GNAQ: variants seen among roughly 807,000 people sequenced by gnomAD.
The protein encoded by GNAQ is G protein subunit alpha q.
Under a neutral mutation model 43.9 loss-of-function variants are expected in GNAQ, and 8 were observed. The observed-to-expected ratio is 0.18, with a 90% confidence interval of 0.11 to 0.33. The LOEUF is 0.33. Among genes scored for constraint, GNAQ ranks in the 10% least tolerant of loss-of-function variants. The pLI is 1.00. For synonymous variants in GNAQ, 155 were observed against 170.7 expected, an observed-to-expected ratio of 0.91 and a Z score of 0.71; for missense variants, 158 against 450.8, an observed-to-expected ratio of 0.35 and a Z score of 5.88.
At position 77,764,000 on chromosome 9, in the gene GNAQ, A is replaced by G. The variant is rs1051705133; in HGVS notation, c.735+30463T>C. On this transcript the variant is annotated intron_variant, in intron 5 of 6. Transcript: ENST00000286548. ...TTTTGGGGAATGTTTAGTACTAACA[A>G]TAGTGAAATAAGAGTTGCAAAAAGT... Among the ~76,000 whole-genome samples, 91 of 152,212 alleles carry G rather than the reference A, an allele frequency of 6.0e-4. 4 individuals carry two copies. The highest frequency in any genetic ancestry group is 1.5e-5 in the Non-Finnish European group (1 of 68,040).
intron 1 of GNAQ, among the ~76,000 whole-genome samples, chr9:77,997,987 C>T (rs968765944): frequency 6.6e-6 from 1 of 152,188 alleles, no homozygotes; most frequent in Non-Finnish European, 1.5e-5. Flanking sequence ...AAGGCACTGA[C>T]AACAGCCAGC....
At chr9:77,897,105 C>T (rs1000019567) in intron 2 of GNAQ, among the ~76,000 whole-genome samples, 7 of 152,152 alleles carry the variant, frequency 4.6e-5, no homozygotes, top group African/African-American at 1.7e-4. Context: ...AAGGAGGCAC[C>T]CGTGCCAAAC....
At chr9:77,748,479 T>C (rs1242986822) in intron 5 of GNAQ, among the ~76,000 whole-genome samples, 3 of 152,246 alleles carry the variant, frequency 2.0e-5, no homozygotes, top group African/African-American at 4.8e-5. Context: ...TAGAGCTTGA[T>C]GCCTTCTGCA....
At chr9:77,738,193 C>G (rs1418035906) in intron 5 of GNAQ, among the ~76,000 whole-genome samples, 1 of 152,148 alleles carries the variant, frequency 6.6e-6, no homozygotes, top group African/African-American at 2.4e-5. Flanking sequence ...AATGTATTTG[C>G]ATGTATACAC....
chr9:77,924,046 CCA>C (rs1250293285), intron 1 of GNAQ, among the ~76,000 whole-genome samples: 3 of 152,142 alleles, frequency 2.0e-5, no homozygotes, highest in Non-Finnish European at 2.9e-5. Context: ...GTATTTCTAG[CCA>C]CAGAGTCCTG....
intron 1 of GNAQ, among the ~76,000 whole-genome samples, chr9:78,005,104 T>A (rs991172387): frequency 6.6e-6 from 1 of 152,074 alleles, no homozygotes; most frequent in African/African-American, 2.4e-5. Context: ...CAGGCTGGAG[T>A]GCAGTGGGGC....
chr9:77,840,090 CAT>C (rs1310251000), intron 2 of GNAQ, among the ~76,000 whole-genome samples: 2 of 152,148 alleles, frequency 1.3e-5, no homozygotes, highest in African/African-American at 2.4e-5. Context: ...CTCCAAAGTA[CAT>C]GTTTCATTTT....
intron 1 of GNAQ, among the ~76,000 whole-genome samples, chr9:78,007,641 G>A (rs192162231): frequency 6.6e-6 from 1 of 152,122 alleles, no homozygotes; most frequent in East Asian, 1.9e-4. Context: ...TTTCTCAAAG[G>A]GAATCTTGAT....
intron 1 of GNAQ, among the ~76,000 whole-genome samples, chr9:78,027,943 G>C (rs1181520619): frequency 6.6e-6 from 1 of 152,012 alleles, no homozygotes; most frequent in Non-Finnish European, 1.5e-5. Context: ...AAAAATTTCA[G>C]GATAACTATA....
rs1359991 is a variant in GNAQ at position 77,829,626 on chromosome 9, C to T, written c.322-13856G>A. ...GTGGCCCACCCGCAGCCTTGAGAGC[C>T]CAAGAGAATGAATCAGAGAACAGAG... On this transcript the variant is annotated intron_variant, in intron 2 of 6. Transcript: ENST00000286548. 5.0e-3 allele frequency among the ~76,000 whole-genome samples: 765 copies of T among 152,220 alleles called. 9 individuals are homozygous for T. The highest frequency in any genetic ancestry group is 0.018 in the African/African-American group (729 of 41,532).
At chr9:77,794,668 A>C in intron 4 of GNAQ, 76 bp from the exon 5 acceptor site, 1 of 773,458 alleles carries the variant, frequency 1.3e-6, no homozygotes, top group Non-Finnish European at 2.0e-6. Flanking sequence ...AGCACTACTT[A>C]CAAACTTAGG....
intron 5 of GNAQ, among the ~76,000 whole-genome samples, chr9:77,748,537 T>C (rs565844267): frequency 3.3e-5 from 5 of 152,204 alleles, no homozygotes; most frequent in Non-Finnish European, 5.9e-5. Context: ...TTAAGACAAC[T>C]GTGGAGGATG....
chr9:77,877,240 T>C (rs1179197008), intron 2 of GNAQ, among the ~76,000 whole-genome samples: 2 of 152,222 alleles, frequency 1.3e-5, no homozygotes, highest in Admixed American at 6.5e-5. Context: ...TCTGTACTCA[T>C]ATAATTTGTT....
At chr9:77,923,098 G>A (rs543989471) in intron 1 of GNAQ, among the ~76,000 whole-genome samples, 78 of 152,010 alleles carry the variant, frequency 5.1e-4, no homozygotes, top group African/African-American at 1.8e-3. Context: ...CTCAAGGGGT[G>A]CACCAGCCTT....
intron 2 of GNAQ, among the ~76,000 whole-genome samples, chr9:77,855,381 C>G (rs556260173): frequency 6.6e-6 from 1 of 152,098 alleles, no homozygotes; most frequent in East Asian, 1.9e-4. Context: ...TAAAAGCAAA[C>G]GAAAGAACCT....
At chr9:77,741,625 G>A (rs565295408) in intron 5 of GNAQ, among the ~76,000 whole-genome samples, 334 of 152,258 alleles carry the variant, frequency 2.2e-3, no homozygotes, top group African/African-American at 6.7e-3. Context: ...AGTATATTTA[G>A]CCAGATGTTG....
chr9:77,849,278 A>C (rs1427381354), intron 2 of GNAQ, among the ~76,000 whole-genome samples: 2 of 152,170 alleles, frequency 1.3e-5, no homozygotes, highest in African/African-American at 4.8e-5. Context: ...CATGACTCTC[A>C]AGCATCCTAA....
intron 1 of GNAQ, among the ~76,000 whole-genome samples, chr9:78,021,824 T>C (rs1170956545): frequency 1.3e-5 from 2 of 151,954 alleles, no homozygotes; most frequent in African/African-American, 4.8e-5. Context: ...CAAAAAGAAG[T>C]AGTAAGTCAA....
chr9:77,797,737 C>T, intron 3 of GNAQ, 89 bp from the exon 4 acceptor site: 1 of 1,159,534 alleles, frequency 8.6e-7, no homozygotes, highest in East Asian at 2.4e-5. Flanking sequence ...TGAGTCCTAA[C>T]AGAGAAGTAA....
Sources: allele counts gnomAD v4.1 joint callset (sites outside exome capture counted in the v4.1 genomes callset), GRCh38; gene constraint gnomAD v4.1.1; transcripts MANE v1.5; gene names NCBI Gene and HGNC (gene_info 2026-07-23, HGNC 2026-07-21).